Variants in ADAD1 observed in about 807,000 individuals in gnomAD.
The protein encoded by ADAD1 is adenosine deaminase domain containing 1.
ADAD1 carries 46 observed loss-of-function variants against 66.8 expected under a neutral mutation model. The observed-to-expected ratio is 0.69, with a 90% confidence interval of 0.54 to 0.88. The LOEUF is 0.88. Ranked by LOEUF, ADAD1 falls within the 40% of genes least tolerant of loss-of-function variation. ADAD1 has a pLI of 0.00. For missense variants in ADAD1, 617 were observed against 681.8 expected (o/e 0.91, Z 1.06); for synonymous variants, 248 against 229.4 (o/e 1.08, Z -0.73).
rs1338908521 is a variant in ADAD1, at chr4:122,414,274, T to TGG, written c.1250-1105_1250-1104insGG. On this transcript the variant is annotated intron_variant, in intron 10 of 12. Coordinates refer to ENST00000296513, the MANE Select transcript of ADAD1 (RefSeq NM_139243.4). Reference sequence around the variant, plus strand: ...TTCCTTTTTCCAAATGTCTTTTTTTTTGGGGGGGGGGGTACAACTACTGTC... The same window carrying TGG: ...TTCCTTTTTCCAAATGTCTTTTTTTTGGTGGGGGGGGGGGTACAACTACTGTC... 5.1e-3 allele frequency among the ~76,000 whole-genome samples: 537 copies of TGG among 106,026 alleles called. 6 individuals carry two copies. The highest frequency in any genetic ancestry group is 0.017 in the Middle Eastern group (3 of 172). 69.6% of individuals were successfully genotyped at this position (106,026 alleles called of 152,430 possible). A position where few individuals can be genotyped will look rare whatever the true frequency, so the allele number is the denominator to read the frequency against.
chr4:122,401,019 A>G (rs967334261), intron 7 of ADAD1, among the ~76,000 whole-genome samples: 4 of 151,210 alleles, frequency 2.6e-5, no homozygotes, highest in African/African-American at 7.3e-5. Context: ...TCTGATCTTT[A>G]TTATATCTTT....
intron 7 of ADAD1, among the ~76,000 whole-genome samples, chr4:122,399,162 G>C (rs932058428): frequency 2.6e-5 from 4 of 152,068 alleles, no homozygotes; most frequent in African/African-American, 9.7e-5. Context: ...GAGAGATGAG[G>C]GTCCCAGTTT....
chr4:122,393,881 A>C (rs1795573070), intron 6 of ADAD1, among the ~76,000 whole-genome samples: 2 of 152,178 alleles, frequency 1.3e-5, no homozygotes, highest in African/African-American at 4.8e-5. Context: ...TTTTCCTATA[A>C]GGAGATGTTT....
chr4:122,380,465 C>A (rs891702741), intron 3 of ADAD1: 11 of 530,728 alleles, frequency 2.1e-5, no homozygotes, highest in Non-Finnish European at 3.2e-5. Flanking sequence ...CTGTTCAAAC[C>A]CCCCCCTTCA....
chr4:122,380,278 T>G, intron 3 of ADAD1, 37 bp downstream of exon 3: 1 of 1,577,308 alleles, frequency 6.3e-7, no homozygotes. Flanking sequence ...GAGTCAGTTC[T>G]TTAAGATTCT....
rs761407919 is a variant in ADAD1 at position 122,421,351 on chromosome 4, A to G, written c.1578A>G (p.Lys526=). Residue 526 remains lysine (K), a synonymous_variant, in exon 12 of 13, where the codon AAA becomes AAG. Coordinates refer to ENST00000296513, the MANE Select transcript of ADAD1 (RefSeq NM_139243.4). ...TTAACCTGCTTGCCAAAGAAGCTAA[A>G]AAAGAATTACTTGAAGCTGGTACAT... is the stretch of plus-strand genomic sequence containing the variant. ...SRFNLLAKEA[K]KELLEAGTYH... The G allele has an allele frequency of 4.4e-6, 7 of 1,602,926 alleles. No individual in the cohort carries two copies. The highest frequency in any genetic ancestry group is 6.0e-6 in the Non-Finnish European group (7 of 1,172,424).
chr4:122,402,324 C>G (rs1206878623), intron 7 of ADAD1, among the ~76,000 whole-genome samples: 1 of 152,120 alleles, frequency 6.6e-6, no homozygotes, highest in Non-Finnish European at 1.5e-5. Flanking sequence ...GGTAAGACCC[C>G]AATCCCTTCT....
At chr4:122,398,687 G>T (rs1175026002) in intron 7 of ADAD1, among the ~76,000 whole-genome samples, 3 of 151,966 alleles carry the variant, frequency 2.0e-5, no homozygotes, top group African/African-American at 7.2e-5. Context: ...GAGTAAGGTG[G>T]TATTGCATTG....
chr4:122,381,271 G>T, intron 4 of ADAD1, 91 bp downstream of exon 4: 2 of 1,251,274 alleles, frequency 1.6e-6, no homozygotes, highest in Non-Finnish European at 2.2e-6. Context: ...TAATATTGGA[G>T]TTAGGTAACT....
rs146029626 is a variant in ADAD1 at position 122,385,079 on chromosome 4, G to A, written c.529+1113G>A. 3.3e-3 allele frequency among the ~76,000 whole-genome samples: 495 copies of A among 152,076 alleles called. 2 individuals are homozygous for A. Among genetic ancestry groups the A allele is most frequent in the African/African-American group, 0.012 (482 of 41,514 alleles). On this transcript the variant is annotated intron_variant, in intron 5 of 12. Transcript: ENST00000296513. ...CAGCTGAGTTTAAATATCTATTTGT[G>A]TTATGAAAGGATGTAGAAGATAAGA...
At chr4:122,415,900 CA>C (rs1560602038) in intron 11 of ADAD1, among the ~76,000 whole-genome samples, 1 of 152,080 alleles carries the variant, frequency 6.6e-6, no homozygotes, top group Non-Finnish European at 1.5e-5. Flanking sequence ...AATCTGGCTC[CA>C]TAACGTATGT....
intron 12 of ADAD1, among the ~76,000 whole-genome samples, chr4:122,428,824 C>T (rs1797378838): frequency 6.6e-6 from 1 of 152,042 alleles, no homozygotes; most frequent in South Asian, 2.1e-4. Context: ...CTGGACTATG[C>T]TGATATTTAC....
chr4:122,423,281 A>G (rs1053046953), intron 12 of ADAD1, among the ~76,000 whole-genome samples: 1 of 152,222 alleles, frequency 6.6e-6, no homozygotes, highest in Non-Finnish European at 1.5e-5. Context: ...TGCTGGCCCA[A>G]GGTTGCCATC....
intron 4 of ADAD1, among the ~76,000 whole-genome samples, chr4:122,381,442 T>C (rs912539300): frequency 2.6e-5 from 4 of 152,200 alleles, no homozygotes; most frequent in African/African-American, 9.6e-5. Flanking sequence ...ATGGACTATT[T>C]TGGGGTGTAA....
chr4:122,380,195 A>C lies in ADAD1; in HGVS notation c.126A>C (p.Glu42Asp), dbSNP rs1480756068. The change falls in exon 3 of 13, where the codon GAA becomes GAC. Residue 42 changes from glutamate to aspartate, a missense_variant. Coordinates refer to ENST00000296513, the MANE Select transcript of ADAD1 (RefSeq NM_139243.4). ...CTACACCCACAGGATGGTCCTCAGA[A>C]AGTTACGGCCTGTCCAAGATGGCAT... is the stretch of plus-strand genomic sequence containing the variant. ...TITTPTGWSS[E>D]SYGLSKMASK... is the part of the protein sequence containing the mutation. The C allele has an allele frequency of 6.2e-7, 1 of 1,614,134 alleles. No homozygotes were observed. Among genetic ancestry groups the C allele is most frequent in the Admixed American group, 1.7e-5 (1 of 59,992 alleles).
rs1054200168 is a variant in ADAD1, at chr4:122,415,494, T to A, written c.1365T>A (p.Ser455Arg). 6.2e-7 allele frequency: 1 copy of A among 1,613,862 alleles called. No individual in the cohort carries two copies. Among genetic ancestry groups the A allele is most frequent in the Non-Finnish European group, 8.5e-7 (1 of 1,179,888 alleles). Residue 455 changes from serine (S) to arginine (R), a missense_variant, in exon 11 of 13, where the codon AGT becomes AGA. Physicochemically the swap from Ser to Arg is moderately radical, Grantham distance 110. Coordinates refer to ENST00000296513, the MANE Select transcript of ADAD1 (RefSeq NM_139243.4). Reference protein sequence around the residue: ...MFYLVNRPHISLVPSAYPLQM... With the variant: ...MFYLVNRPHIRLVPSAYPLQM... ...ACTTAGTCAACAGACCTCATATTAG[T>A]TTAGTACCCTCTGCATATCCCCTTC...
intron 5 of ADAD1, among the ~76,000 whole-genome samples, chr4:122,390,703 C>G (rs537719569): frequency 6.6e-6 from 1 of 152,274 alleles, no homozygotes; most frequent in South Asian, 2.1e-4. Flanking sequence ...TCAGCTCCAT[C>G]AGGTAGTTTA....
chr4:122,398,484 A>G (rs1795820580), intron 7 of ADAD1, among the ~76,000 whole-genome samples: 1 of 152,102 alleles, frequency 6.6e-6, no homozygotes, highest in Non-Finnish European at 1.5e-5. Context: ...TCCTCTGGGT[A>G]GATACCTAGT....
intron 5 of ADAD1, among the ~76,000 whole-genome samples, chr4:122,392,172 C>G (rs751575295): frequency 1.3e-5 from 2 of 152,094 alleles, no homozygotes; most frequent in Non-Finnish European, 2.9e-5. Flanking sequence ...TATCTAAAAT[C>G]CAGAATGTCA....
Sources: allele counts gnomAD v4.1 joint callset (sites outside exome capture counted in the v4.1 genomes callset), GRCh38; gene constraint gnomAD v4.1.1; transcripts MANE v1.5; gene names NCBI Gene and HGNC (gene_info 2026-07-23, HGNC 2026-07-21).